Variants in PGBD5 observed in about 807,000 individuals in gnomAD.
The protein encoded by PGBD5 is piggyBac transposable element derived 5.
A neutral mutation model predicts 47.9 loss-of-function variants in PGBD5; 14 were observed. The ratio of observed to expected loss-of-function variants is 0.29; its 90% CI spans 0.19 to 0.46. The LOEUF is 0.46. PGBD5 is among the 20% of genes least tolerant of loss of function. The pLI, the probability that PGBD5 is intolerant of heterozygous loss-of-function variation, is 1.00. For synonymous variants in PGBD5, 316 were observed against 306.3 expected (o/e 1.03, Z -0.33); for missense variants, 635 against 716.0 (o/e 0.89, Z 1.29).
rs753627921 is a variant in PGBD5 at position 230,332,989 on chromosome 1, G to C, written c.1128C>G (p.Leu376=). 127 of 1,613,302 alleles carry C rather than the reference G, an allele frequency of 7.9e-5. No individual in the cohort carries two copies. Among genetic ancestry groups the C allele is most frequent in the Non-Finnish European group, 1.1e-4 (124 of 1,179,662 alleles). ...LRARKSDCTG[L]PLSMLTNPAT... is the part of the protein sequence containing the mutation. ...CTGGGTTGGTCAGCATGGACAGTGGGAGGCCGGTGCAGTCACTCTTCCGCG... is the reference window on the plus strand; with the variant it reads ...CTGGGTTGGTCAGCATGGACAGTGGCAGGCCGGTGCAGTCACTCTTCCGCG... Residue 376 remains leucine (L), a synonymous_variant, in exon 5 of 7, where the codon CTC becomes CTG. Coordinates refer to ENST00000391860, the MANE Select transcript of PGBD5 (RefSeq NM_001258311.2).
In PGBD5 at chr1:230,360,469, TCC is replaced by T. The variant is rs755449618; in HGVS notation, c.332-3150_332-3149del. Among the ~76,000 whole-genome samples the T allele has an allele frequency of 3.3e-5, 5 of 152,238 alleles. No individual in the cohort carries two copies. The East Asian group carries it at 7.7e-4, about 24-fold the overall frequency. The stretch of plus-strand genomic sequence containing the variant: ...ACCCAAATCTCATCTTGAATTGTAA[TCC>T]CCACGTGTTGGGGAGGGACCTCCAT... On this transcript the variant is annotated intron_variant, in intron 1 of 6. Coordinates refer to ENST00000391860, the MANE Select transcript of PGBD5 (RefSeq NM_001258311.2).
At position 230,390,988 on chromosome 1, in the gene PGBD5, C is replaced by A. The variant is rs1355111384; in HGVS notation, c.332-33667G>T. Among the ~76,000 whole-genome samples, 3 of 152,092 alleles carry A rather than the reference C, an allele frequency of 2.0e-5. No individual in the cohort carries two copies. In the East Asian group the frequency reaches 5.8e-4, roughly 29 times the overall value. On this transcript the variant is annotated intron_variant, in intron 1 of 6. Coordinates refer to ENST00000391860, the MANE Select transcript of PGBD5 (RefSeq NM_001258311.2). ...CTCCTGAGCTCAAGTGATCTGCCTG[C>A]CTTGGCCTCCCAAAGTACTGGGATT...
chr1:230,381,738 C>T lies in PGBD5; in HGVS notation c.332-24417G>A, dbSNP rs549515244. On this transcript the variant is annotated intron_variant, in intron 1 of 6. Transcript: ENST00000391860. ...CCACGCCCAGGGTTCCCGGAGCCGC[C>T]GTCTGTGTTCTCTTCCCTTGCAACT... Among the ~76,000 whole-genome samples the T allele has an allele frequency of 5.3e-5, 8 of 152,290 alleles. No homozygotes were observed. In the South Asian group the frequency reaches 1.5e-3, roughly 28 times the overall value.
At chr1:230,420,592 T>C (rs923016359) in intron 1 of PGBD5, among the ~76,000 whole-genome samples, 2 of 152,288 alleles carry the variant, frequency 1.3e-5, no homozygotes, top group Admixed American at 1.3e-4. Flanking sequence ...GATGGCTTTA[T>C]AAGCATCTGG....
intron 1 of PGBD5, among the ~76,000 whole-genome samples, chr1:230,424,405 C>G (rs377374795): frequency 1.1e-4 from 17 of 152,310 alleles, no homozygotes; most frequent in African/African-American, 4.1e-4. Context: ...CTTTGCAAGC[C>G]CAGCTTTAGC....
intron 1 of PGBD5, among the ~76,000 whole-genome samples, chr1:230,412,091 A>C (rs973913884): frequency 6.6e-6 from 1 of 152,164 alleles, no homozygotes; most frequent in Non-Finnish European, 1.5e-5. Flanking sequence ...GTGGACAGAG[A>C]TAGAGAAGGA....
In PGBD5 at chr1:230,362,138, G is replaced by A. The variant is rs897023781; in HGVS notation, c.332-4817C>T. 9.4e-6 allele frequency: 11 copies of A among 1,167,372 alleles called. No individual in the cohort carries two copies. The African/African-American group carries it at 1.6e-4, about 17-fold the overall frequency. The allele number at this position is 1,167,372 out of a possible 1,614,324, so 72.3% of individuals were successfully genotyped here. A position where few individuals can be genotyped will look rare whatever the true frequency, so the allele number is the denominator to read the frequency against. The stretch of plus-strand genomic sequence containing the variant: ...GCGGGAAGCCAGTGAAGGGCTGTGA[G>A]CACCACGTGACCATGCTCTTGCAAC... On this transcript the variant is annotated intron_variant, in intron 1 of 6. Coordinates refer to ENST00000391860, the MANE Select transcript of PGBD5 (RefSeq NM_001258311.2).
intron 1 of PGBD5, among the ~76,000 whole-genome samples, chr1:230,404,316 A>T (rs1464265163): frequency 6.6e-6 from 1 of 152,114 alleles, no homozygotes; most frequent in Non-Finnish European, 1.5e-5. Flanking sequence ...CCATCTCTAC[A>T]AATAATTTAA....
chr1:230,424,384 G>T (rs531308869), intron 1 of PGBD5, among the ~76,000 whole-genome samples: 18 of 152,336 alleles, frequency 1.2e-4, no homozygotes, highest in Non-Finnish European at 2.2e-4. Flanking sequence ...GCAGTGCACA[G>T]CTAACTGTGA....
intron 1 of PGBD5, among the ~76,000 whole-genome samples, chr1:230,413,345 G>A (rs989166796): frequency 2.6e-5 from 4 of 151,954 alleles, no homozygotes; most frequent in African/African-American, 4.8e-5. Flanking sequence ...GCAGAATTTC[G>A]AGCAAAAAAT....
chr1:230,359,043 T>A (rs1228028231), intron 1 of PGBD5, among the ~76,000 whole-genome samples: 3 of 152,196 alleles, frequency 2.0e-5, no homozygotes, highest in African/African-American at 7.2e-5. Flanking sequence ...AATTTGCTTC[T>A]ATTGCATCTG....
At chr1:230,401,366 G>T (rs1485327663) in intron 1 of PGBD5, among the ~76,000 whole-genome samples, 1 of 152,174 alleles carries the variant, frequency 6.6e-6, no homozygotes, top group Admixed American at 6.5e-5. Context: ...ACGTGCTCCG[G>T]GACTGCTCAT....
intron 5 of PGBD5, among the ~76,000 whole-genome samples, chr1:230,327,099 C>T (rs557594780): frequency 3.7e-4 from 57 of 152,246 alleles, no homozygotes; most frequent in African/African-American, 1.3e-3. Context: ...ATGAGACGGA[C>T]GCCTTCTTCC....
intron 3 of PGBD5, among the ~76,000 whole-genome samples, chr1:230,340,594 A>G (rs1667394509): frequency 6.6e-6 from 1 of 152,148 alleles, no homozygotes; most frequent in African/African-American, 2.4e-5. Context: ...CTTAATCAGA[A>G]AACAACCCAC....
At chr1:230,392,059 T>A (rs1656798994) in intron 1 of PGBD5, among the ~76,000 whole-genome samples, 1 of 152,256 alleles carries the variant, frequency 6.6e-6, no homozygotes. Flanking sequence ...TTACTAGGAC[T>A]GTGAAGCTTC....
intron 5 of PGBD5, among the ~76,000 whole-genome samples, chr1:230,330,273 T>C (rs16851511): frequency 0.04 from 6,069 of 152,300 alleles, 141 homozygotes; most frequent in Admixed American, 0.066. Flanking sequence ...CTGTGCCCGC[T>C]GCGATGGTAG....
chr1:230,333,951 C>G (rs1667262173), intron 4 of PGBD5, among the ~76,000 whole-genome samples: 1 of 152,244 alleles, frequency 6.6e-6, no homozygotes, highest in African/African-American at 2.4e-5. Flanking sequence ...CACAAGCACT[C>G]AGCTGCTCCC....
chr1:230,410,954 G>A (rs1344080892), intron 1 of PGBD5, among the ~76,000 whole-genome samples: 1 of 152,004 alleles, frequency 6.6e-6, no homozygotes, highest in South Asian at 2.1e-4. Context: ...GGGGTGGTGA[G>A]GGGAAAGGTA....
chr1:230,402,215 G>T (rs1196385204), intron 1 of PGBD5, among the ~76,000 whole-genome samples: 1 of 152,202 alleles, frequency 6.6e-6, no homozygotes, highest in East Asian at 1.9e-4. Flanking sequence ...GATTCTAAAT[G>T]AAACTGACAT....
Sources: gnomAD v4.1 joint callset for allele counts (sites outside exome capture counted in the v4.1 genomes callset) on GRCh38, gnomAD v4.1.1 for gene constraint, MANE v1.5 for transcripts, NCBI Gene and HGNC (gene_info 2026-07-23, HGNC 2026-07-21) for gene names.